Variants in CDH13 observed in about 807,000 individuals in gnomAD.
CDH13 encodes cadherin 13.
In CDH13, 24 loss-of-function variants were observed where a neutral mutation model predicts 63.8. That is an observed-to-expected ratio of 0.38 (90% CI 0.27 to 0.53). The LOEUF is 0.53. Ranked by LOEUF, CDH13 falls within the 20% of genes least tolerant of loss-of-function variation. The pLI, the probability that CDH13 is intolerant of heterozygous loss-of-function variation, is 0.85. For missense variants in CDH13, 1,049 were observed against 903.1 expected (o/e 1.16, Z -2.07); for synonymous variants, 503 against 355.3 (o/e 1.42, Z -4.67).
In CDH13 at chr16:82,674,282, A is replaced by G. The variant is rs180999102; in HGVS notation, c.45+47145A>G. 7.2e-5 allele frequency among the ~76,000 whole-genome samples: 11 copies of G among 152,304 alleles called. No homozygotes were observed. In the Middle Eastern group the frequency reaches 0.01, roughly 141 times the overall value. On this transcript the variant is annotated intron_variant, in intron 1 of 13. Transcript: ENST00000567109. ...GATGACTTCAGTTTCACCCCTTTCT[A>G]AATAGTGTTTATGAAGATCCCTTTC...
At chr16:83,337,739 G>A (rs1489478627) in intron 5 of CDH13, among the ~76,000 whole-genome samples, 7 of 147,644 alleles carry the variant, frequency 4.7e-5, no homozygotes, top group Admixed American at 7.0e-5. Flanking sequence ...GTTTGTGGCA[G>A]GATGCTACAT....
At chr16:83,654,783 A>G (rs1345225279) in intron 8 of CDH13, 1 of 152,116 alleles carries the variant, frequency 6.6e-6, no homozygotes, top group African/African-American at 2.4e-5. Flanking sequence ...CCTACGGGTT[A>G]ATGGATGCTG....
chr16:82,720,614 C>G (rs2032708436), intron 1 of CDH13, among the ~76,000 whole-genome samples: 1 of 151,832 alleles, frequency 6.6e-6, no homozygotes, highest in Non-Finnish European at 1.5e-5. Context: ...CGGGGAAAAC[C>G]CACACAAACA....
chr16:83,518,113 A>C lies in CDH13; in HGVS notation c.960+31458A>C, dbSNP rs542825474. Among the ~76,000 whole-genome samples the C allele has an allele frequency of 8.2e-4, 124 of 151,184 alleles. 1 individual carries two copies. The highest frequency in any genetic ancestry group is 2.7e-4 in the Non-Finnish European group (18 of 67,914). Reference sequence around the variant, plus strand: ...TGGTTAACCTCATGCTGTTCTCATGATAATGAGTGAGATATCATGAGATGT... The same window carrying C: ...TGGTTAACCTCATGCTGTTCTCATGCTAATGAGTGAGATATCATGAGATGT... On this transcript the variant is annotated intron_variant, in intron 7 of 13. Coordinates refer to ENST00000567109, the MANE Select transcript of CDH13 (RefSeq NM_001257.5).
chr16:83,398,544 T>C (rs2091921004), intron 6 of CDH13, among the ~76,000 whole-genome samples: 1 of 152,180 alleles, frequency 6.6e-6, no homozygotes, highest in South Asian at 2.1e-4. Flanking sequence ...CCCCCACTTA[T>C]TTTCCAAATA....
At chr16:82,699,532 G>A (rs368210624) in intron 1 of CDH13, among the ~76,000 whole-genome samples, 1 of 152,192 alleles carries the variant, frequency 6.6e-6, no homozygotes, top group Non-Finnish European at 1.5e-5. Context: ...CTTAATGCGT[G>A]TCATAACTCT....
At chr16:82,938,074 C>T (rs12448496) in intron 2 of CDH13, among the ~76,000 whole-genome samples, 1,722 of 152,258 alleles carry the variant, frequency 0.011, 90 homozygotes, top group Admixed American at 0.099. Context: ...ACAGCGGTAG[C>T]AACAACACGC....
At chr16:82,656,313 G>A (rs548671573) in intron 1 of CDH13, among the ~76,000 whole-genome samples, 35 of 108,074 alleles carry the variant, frequency 3.2e-4, no homozygotes, top group Non-Finnish European at 4.9e-4. Flanking sequence ...AATGGTGTGC[G>A]TGTGTGTGTG....
intron 2 of CDH13, among the ~76,000 whole-genome samples, chr16:82,915,758 C>G (rs961853806): frequency 6.6e-6 from 1 of 151,312 alleles, no homozygotes; most frequent in African/African-American, 2.4e-5. Flanking sequence ...GCTGATTCTT[C>G]CCTTGGATTT....
At chr16:83,572,950 A>T (rs968943331) in intron 7 of CDH13, among the ~76,000 whole-genome samples, 7 of 152,192 alleles carry the variant, frequency 4.6e-5, no homozygotes, top group African/African-American at 1.7e-4. Flanking sequence ...AAAGGATTGA[A>T]ATGTGTACAG....
intron 5 of CDH13, among the ~76,000 whole-genome samples, chr16:83,268,484 T>C (rs2088693069): frequency 6.6e-6 from 1 of 152,194 alleles, no homozygotes; most frequent in Non-Finnish European, 1.5e-5. Context: ...GATAGGTACT[T>C]CTTTCCAATC....
chr16:83,093,895 T>G (rs2034055275), intron 3 of CDH13, among the ~76,000 whole-genome samples: 1 of 152,068 alleles, frequency 6.6e-6, no homozygotes, highest in Admixed American at 6.6e-5. Flanking sequence ...AAGTGGGAAC[T>G]CCGTAAAAGA....
chr16:83,436,353 C>T (rs906776308), intron 6 of CDH13, among the ~76,000 whole-genome samples: 2 of 152,076 alleles, frequency 1.3e-5, no homozygotes, highest in East Asian at 1.9e-4. Context: ...TTTAAAAAAA[C>T]GTACTCTCTC....
At chr16:83,111,969 C>G (rs913283187) in intron 3 of CDH13, among the ~76,000 whole-genome samples, 2 of 152,106 alleles carry the variant, frequency 1.3e-5, no homozygotes, top group Admixed American at 6.5e-5. Context: ...ACTCTTATTC[C>G]TTAAATATCA....
At chr16:82,761,017 C>CTTTCTTTTTTTTTTTTTTT (rs2034820362) in intron 1 of CDH13, among the ~76,000 whole-genome samples, 1 of 40,488 alleles carries the variant, frequency 2.5e-5, no homozygotes, top group Non-Finnish European at 4.6e-5. Flanking sequence ...TTCTTTCTTT[C>CTTTCTTTTTTTTTTTTTTT]TTTTTTTTTT....
chr16:83,279,957 G>A (rs1054715595), intron 5 of CDH13, among the ~76,000 whole-genome samples: 15 of 152,008 alleles, frequency 9.9e-5, no homozygotes, highest in Admixed American at 2.0e-4. Flanking sequence ...TTAAAAATAC[G>A]TTATAACTAA....
intron 2 of CDH13, among the ~76,000 whole-genome samples, chr16:82,983,249 C>G (rs563331446): frequency 6.6e-6 from 1 of 152,192 alleles, no homozygotes; most frequent in African/African-American, 2.4e-5. Flanking sequence ...ACTTAGCCTT[C>G]CTTTCCTCTC....
intron 8 of CDH13, among the ~76,000 whole-genome samples, chr16:83,646,625 C>T (rs1911819942): frequency 2.1e-5 from 3 of 140,782 alleles, no homozygotes; most frequent in Admixed American, 8.0e-5. Flanking sequence ...TGCTTGAACC[C>T]GGGAAGCAGT....
intron 5 of CDH13, among the ~76,000 whole-genome samples, chr16:83,266,827 G>C (rs1054572088): frequency 6.6e-6 from 1 of 152,102 alleles, no homozygotes; most frequent in Non-Finnish European, 1.5e-5. Context: ...AGGGCTTCTT[G>C]GTGAGGTCCA....
Sources: gnomAD v4.1 joint callset for allele counts (sites outside exome capture counted in the v4.1 genomes callset) on GRCh38, gnomAD v4.1.1 for gene constraint, MANE v1.5 for transcripts, NCBI Gene and HGNC (gene_info 2026-07-23, HGNC 2026-07-21) for gene names.